The following TENM2 variants were observed in gnomAD, a reference collection of about 807,000 sequenced individuals.
TENM2 encodes teneurin transmembrane protein 2, also known as teneurin-2.
TENM2 carries 52 observed loss-of-function variants against 245.2 expected under a neutral mutation model. The observed-to-expected ratio is 0.21, with a 90% confidence interval of 0.17 to 0.27. The LOEUF is 0.27. Ranked by LOEUF, TENM2 falls within the 10% of genes least tolerant of loss-of-function variation. The pLI is 1.00. For synonymous variants in TENM2, 1,363 were observed against 1,438.9 expected, an observed-to-expected ratio of 0.95 and a Z score of 1.19; for missense variants, 3,046 against 3,666.8, an observed-to-expected ratio of 0.83 and a Z score of 4.37.
At chr5:167,467,652 C>T (rs1766753278) in intron 2 of TENM2, among the ~76,000 whole-genome samples, 1 of 151,868 alleles carries the variant, frequency 6.6e-6, no homozygotes, top group African/African-American at 2.4e-5. Context: ...ATATTTGTTA[C>T]AGTGAAAATA....
At chr5:167,633,048 G>C (rs1778976770) in intron 2 of TENM2, among the ~76,000 whole-genome samples, 1 of 152,194 alleles carries the variant, frequency 6.6e-6, no homozygotes, top group Non-Finnish European at 1.5e-5. Flanking sequence ...CAGTGAAAGA[G>C]CAAATCTATG....
chr5:167,484,381 G>C (rs1194309805), intron 2 of TENM2, among the ~76,000 whole-genome samples: 2 of 152,002 alleles, frequency 1.3e-5, no homozygotes, highest in Non-Finnish European at 2.9e-5. Context: ...TTTATAAAAA[G>C]GATAATCTTG....
At chr5:167,891,938 G>C (rs1774794050) in intron 3 of TENM2, among the ~76,000 whole-genome samples, 2 of 152,114 alleles carry the variant, frequency 1.3e-5, no homozygotes, top group Non-Finnish European at 2.9e-5. Context: ...GAGACTTCCT[G>C]GACTTGATTG....
exon 18 of TENM2, chr5:168,203,736 G>A: frequency 6.2e-7 from 1 of 1,612,818 alleles, no homozygotes; most frequent in Non-Finnish European, 8.5e-7. Flanking sequence ...AATTCTCTGG[G>A]AGAAAAGGAC....
At chr5:168,220,030 G>A (rs539334269) in intron 23 of TENM2, among the ~76,000 whole-genome samples, 1 of 151,982 alleles carries the variant, frequency 6.6e-6, no homozygotes, top group African/African-American at 2.4e-5. Context: ...TTCTTCTTTG[G>A]GCAACTCTTT....
chr5:167,516,956 C>T (rs1433541665), intron 2 of TENM2, among the ~76,000 whole-genome samples: 2 of 152,146 alleles, frequency 1.3e-5, no homozygotes, highest in Admixed American at 6.5e-5. Flanking sequence ...TAGAAAAGTG[C>T]ATGGAAAAGA....
chr5:168,129,195 A>G (rs1267151666), intron 12 of TENM2: 1 of 152,248 alleles, frequency 6.6e-6, no homozygotes, highest in Non-Finnish European at 1.5e-5. Context: ...CTTTGGTCTC[A>G]GCAGAGAACA....
the TENM2 span, among the ~76,000 whole-genome samples, chr5:167,171,235 T>C: frequency 6.6e-6 from 1 of 152,198 alleles, no homozygotes; most frequent in African/African-American, 2.4e-5. Flanking sequence ...ATTCTACCTT[T>C]ACACTTTATA....
chr5:168,079,843 T>A (rs1270634061), intron 7 of TENM2, among the ~76,000 whole-genome samples: 1 of 152,238 alleles, frequency 6.6e-6, no homozygotes. Flanking sequence ...AGTATTTTAT[T>A]GAGGATTTTT....
rs1460339402 is a variant in TENM2 at position 167,376,320 on chromosome 5, T to G, written c.502+847T>G. On this transcript the variant is annotated intron_variant, in intron 2 of 28. Coordinates refer to ENST00000518659, the Ensembl canonical transcript of TENM2. Reference sequence around the variant, plus strand: ...CGAAAACATCAAATGCTATGTGGTTTGTTATGAATAGATGGCATGTTTGCT... The same window carrying G: ...CGAAAACATCAAATGCTATGTGGTTGGTTATGAATAGATGGCATGTTTGCT... Among the ~76,000 whole-genome samples the G allele has an allele frequency of 2.0e-5, 3 of 152,222 alleles. No individual in the cohort carries two copies. The East Asian group carries it at 5.8e-4, about 29-fold the overall frequency.
At chr5:167,558,725 T>A (rs1003372197) in intron 2 of TENM2, among the ~76,000 whole-genome samples, 1 of 152,110 alleles carries the variant, frequency 6.6e-6, no homozygotes, top group East Asian at 1.9e-4. Context: ...ATGGTGAGTA[T>A]GTAATAATAA....
the TENM2 span, among the ~76,000 whole-genome samples, chr5:167,225,618 G>A: frequency 1.8e-4 from 28 of 152,046 alleles, no homozygotes; most frequent in African/African-American, 6.3e-4. Context: ...ATAATGGCCT[G>A]TAGTTTTTAT....
At chr5:167,390,498 G>T (rs1047198901) in intron 2 of TENM2, among the ~76,000 whole-genome samples, 6 of 152,054 alleles carry the variant, frequency 3.9e-5, no homozygotes, top group African/African-American at 1.4e-4. Context: ...ATTCAATGAG[G>T]TTAGTAATCA....
At chr5:167,230,695 A>T in the TENM2 span, among the ~76,000 whole-genome samples, 7 of 152,216 alleles carry the variant, frequency 4.6e-5, no homozygotes, top group Non-Finnish European at 7.3e-5. Flanking sequence ...AAAGAACCAG[A>T]GACAATGTTG....
At chr5:168,208,708 C>T (rs1406100911) in intron 19 of TENM2, among the ~76,000 whole-genome samples, 1 of 152,200 alleles carries the variant, frequency 6.6e-6, no homozygotes, top group African/African-American at 2.4e-5. Flanking sequence ...AAAACAATGT[C>T]CCCATAAAAT....
chr5:168,108,232 T>A (rs1052634376), intron 9 of TENM2, among the ~76,000 whole-genome samples: 7 of 152,114 alleles, frequency 4.6e-5, no homozygotes, highest in Admixed American at 4.6e-4. Context: ...GAAAAAAGAA[T>A]GAAAGAAAAG....
chr5:167,568,647 G>GTA (rs1491466490), intron 2 of TENM2, among the ~76,000 whole-genome samples: 2 of 10,432 alleles, frequency 1.9e-4, no homozygotes, highest in East Asian at 3.3e-3. Context: ...AGAGACCATG[G>GTA]TGTGTGTGTG....
chr5:167,191,209 T>TAC, the TENM2 span, among the ~76,000 whole-genome samples: 7 of 151,994 alleles, frequency 4.6e-5, no homozygotes, highest in East Asian at 1.9e-4. Context: ...CACATATATA[T>TAC]ACACACACAC....
intron 2 of TENM2, among the ~76,000 whole-genome samples, chr5:167,525,943 T>G (rs1408221586): frequency 6.6e-6 from 1 of 152,034 alleles, no homozygotes; most frequent in African/African-American, 2.4e-5. Flanking sequence ...TATTATATAC[T>G]TTAAGACATC....
Sources: gnomAD v4.1 joint callset for allele counts (sites outside exome capture counted in the v4.1 genomes callset) on GRCh38, gnomAD v4.1.1 for gene constraint, MANE v1.5 for transcripts, NCBI Gene and HGNC (gene_info 2026-07-23, HGNC 2026-07-21) for gene names.